Variants in MPPED2 observed in about 807,000 individuals in gnomAD.
The protein encoded by MPPED2 is metallophosphoesterase MPPED2.
Under a neutral mutation model 33.0 loss-of-function variants are expected in MPPED2, and 5 were observed. The ratio of observed to expected loss-of-function variants is 0.15; its 90% CI spans 0.08 to 0.32. The LOEUF (loss-of-function observed/expected upper bound fraction) is 0.32. Among genes scored for constraint, MPPED2 ranks in the 10% least tolerant of loss-of-function variants. The probability of loss-of-function intolerance (pLI) is 1.00; values close to 1 mark genes in which losing one functional copy is unlikely to be tolerated. For synonymous variants in MPPED2, 136 were observed against 141.9 expected (o/e 0.96, Z 0.29); for missense variants, 275 against 372.1 (o/e 0.74, Z 2.15).
At chr11:30,458,371 T>C (rs1950370431) in intron 4 of MPPED2, among the ~76,000 whole-genome samples, 1 of 152,186 alleles carries the variant, frequency 6.6e-6, no homozygotes, top group Non-Finnish European at 1.5e-5. Context: ...ACCATGTATA[T>C]AATTGGAGTC....
At chr11:30,492,392 G>A (rs1294374761) in intron 4 of MPPED2, among the ~76,000 whole-genome samples, 1 of 152,128 alleles carries the variant, frequency 6.6e-6, no homozygotes, top group Non-Finnish European at 1.5e-5. Flanking sequence ...CTGAACATCT[G>A]CTTGCTCAGG....
chr11:30,583,134 C>CTTTTTCTTTT (rs1957251845), intron 1 of MPPED2, among the ~76,000 whole-genome samples: 4 of 96,712 alleles, frequency 4.1e-5, no homozygotes, highest in African/African-American at 1.9e-4. Flanking sequence ...AAGACTTTTT[C>CTTTTTCTTTT]TTTTTTTTTT....
rs1286728455 is a variant in MPPED2 at position 30,498,064 on chromosome 11, C to T, written c.311-2543G>A. Among the ~76,000 whole-genome samples, 8 of 133,364 alleles carry T rather than the reference C, an allele frequency of 6.0e-5. No individual in the cohort carries two copies. The East Asian group carries it at 1.9e-3, about 32-fold the overall frequency. 87.5% of individuals were successfully genotyped at this position (133,364 alleles called of 152,430 possible). On this transcript the variant is annotated intron_variant, in intron 3 of 6. Transcript: ENST00000358117. ...ATCTCCTGTTACTTGACGGCATTTT[C>T]GTTGTTTTTTTTTTTCCAGACTAGA... is the stretch of plus-strand genomic sequence containing the variant.
chr11:30,438,865 C>G (rs2133885985), intron 4 of MPPED2, among the ~76,000 whole-genome samples: 1 of 152,320 alleles, frequency 6.6e-6, no homozygotes, highest in South Asian at 2.1e-4. Flanking sequence ...TGGCTGTTAT[C>G]ATGAAATCAT....
Position 30,545,756 on chromosome 11 carries a change from G to A in MPPED2, c.129-9581C>T, listed in dbSNP as rs75624569. Among the ~76,000 whole-genome samples, 359 of 152,260 alleles carry A rather than the reference G, an allele frequency of 2.4e-3. 3 individuals are homozygous for A. Among genetic ancestry groups the A allele is most frequent in the African/African-American group, 8.1e-3 (337 of 41,542 alleles). ...GCTCCAGTATGACTGCTCAATGTCT[G>A]CTTTACTCCAGCTTCTACAATCTCC... On this transcript the variant is annotated intron_variant, in intron 2 of 6. Coordinates refer to ENST00000358117, the MANE Select transcript of MPPED2 (RefSeq NM_001584.3).
downstream of MPPED2, chr11:30,384,479 T>TC: frequency 9.8e-6 from 1 of 102,190 alleles, no homozygotes; most frequent in African/African-American, 2.8e-5. Flanking sequence ...TTTTTCTTTT[T>TC]TTTTTTTTTT....
At chr11:30,583,933 G>A (rs1957315653) in intron 1 of MPPED2, among the ~76,000 whole-genome samples, 1 of 152,130 alleles carries the variant, frequency 6.6e-6, no homozygotes, top group Non-Finnish European at 1.5e-5. Flanking sequence ...TCCCTCTGCC[G>A]CGCAGATCCA....
chr11:30,552,609 G>C (rs2134639286), intron 2 of MPPED2, among the ~76,000 whole-genome samples: 1 of 152,106 alleles, frequency 6.6e-6, no homozygotes, highest in Middle Eastern at 3.4e-3. Flanking sequence ...GTTTCGTTTT[G>C]TTTTTTCTCT....
chr11:30,539,976 C>G (rs1316180186), intron 2 of MPPED2, among the ~76,000 whole-genome samples: 2 of 152,130 alleles, frequency 1.3e-5, no homozygotes, highest in East Asian at 1.9e-4. Flanking sequence ...CCTTCCTCCC[C>G]CTGTGCAACC....
chr11:30,447,792 C>T (rs1949876738), intron 4 of MPPED2, among the ~76,000 whole-genome samples: 1 of 152,098 alleles, frequency 6.6e-6, no homozygotes, highest in African/African-American at 2.4e-5. Flanking sequence ...CTTCAATCAA[C>T]CGGTATTTCC....
At position 30,507,713 on chromosome 11, in the gene MPPED2, G is replaced by A. The variant is rs548219957; in HGVS notation, c.311-12192C>T. ...AGCTACCCTGAATCAGAGCCACTAA[G>A]ACTTCCTGGGGGGTGTGAAATCATG... On this transcript the variant is annotated intron_variant, in intron 3 of 6. Transcript: ENST00000358117. Among the ~76,000 whole-genome samples, 7 of 152,282 alleles carry A rather than the reference G, an allele frequency of 4.6e-5. No individual in the cohort carries two copies. In the East Asian group the frequency reaches 1.4e-3, roughly 29 times the overall value.
At chr11:30,583,926 C>T (rs1168078203) in intron 1 of MPPED2, among the ~76,000 whole-genome samples, 2 of 152,230 alleles carry the variant, frequency 1.3e-5, no homozygotes, top group East Asian at 3.9e-4. Flanking sequence ...TCTCTCCTCC[C>T]TCTGCCGCGC....
At chr11:30,538,144 TAATA>T (rs1954914564) in intron 2 of MPPED2, among the ~76,000 whole-genome samples, 2 of 152,144 alleles carry the variant, frequency 1.3e-5, no homozygotes, top group African/African-American at 4.8e-5. Context: ...AATGAAAATT[TAATA>T]AATCAGCCAC....
At chr11:30,413,020 T>C (rs746092857) in intron 6 of MPPED2, among the ~76,000 whole-genome samples, 3 of 152,194 alleles carry the variant, frequency 2.0e-5, no homozygotes, top group Non-Finnish European at 4.4e-5. Flanking sequence ...CTTAGGGCAG[T>C]ACCCTCCTTT....
At chr11:30,439,418 A>G (rs1026621154) in intron 4 of MPPED2, among the ~76,000 whole-genome samples, 9 of 152,058 alleles carry the variant, frequency 5.9e-5, no homozygotes, top group African/African-American at 2.2e-4. Flanking sequence ...GGAACTGTAG[A>G]CTCAGATGTT....
chr11:30,417,682 C>A, intron 4 of MPPED2, 49 bp from the exon 5 acceptor site: 1 of 1,050,302 alleles, frequency 9.5e-7, no homozygotes, highest in South Asian at 1.3e-5. Context: ...AGCCACGGCT[C>A]CGCTCTGCAA....
chr11:30,585,066 G>T (rs1239924876), intron 1 of MPPED2: 1 of 152,108 alleles, frequency 6.6e-6, no homozygotes, highest in Non-Finnish European at 1.5e-5. Context: ...TCTTGCTGAC[G>T]GATTCCAACC....
intron 4 of MPPED2, among the ~76,000 whole-genome samples, chr11:30,426,848 T>C (rs1948859639): frequency 6.6e-6 from 1 of 152,042 alleles, no homozygotes; most frequent in Admixed American, 6.5e-5. Flanking sequence ...ACAGGACTGG[T>C]GTGAGCGGGA....
At chr11:30,451,992 C>G in intron 4 of MPPED2, 5 of 985,362 alleles carry the variant, frequency 5.1e-6, no homozygotes, top group Middle Eastern at 5.2e-4. Flanking sequence ...AGGAGGGAGC[C>G]GTAAAACGAT....
Sources: gnomAD v4.1 joint callset for allele counts (sites outside exome capture counted in the v4.1 genomes callset) on GRCh38, gnomAD v4.1.1 for gene constraint, MANE v1.5 for transcripts, NCBI Gene and HGNC (gene_info 2026-07-23, HGNC 2026-07-21) for gene names.